Variants in DNER observed in about 807,000 individuals in gnomAD.
DNER encodes delta/notch like EGF repeat containing, also known as delta and Notch-like epidermal growth factor-related receptor.
Under a neutral mutation model 78.2 loss-of-function variants are expected in DNER, and 33 were observed. The ratio of observed to expected loss-of-function variants is 0.42; its 90% CI spans 0.32 to 0.56. The LOEUF (loss-of-function observed/expected upper bound fraction) is 0.56. Among genes scored for constraint, DNER ranks in the 20% least tolerant of loss-of-function variants. The pLI is 0.11. For missense variants in DNER, 918 were observed against 975.3 expected, an observed-to-expected ratio of 0.94 and a Z score of 0.78; for synonymous variants, 417 against 384.8, an observed-to-expected ratio of 1.08 and a Z score of -0.98.
chr2:229,668,320 T>C (rs796124566), intron 1 of DNER, among the ~76,000 whole-genome samples: 4 of 151,552 alleles, frequency 2.6e-5, no homozygotes, highest in African/African-American at 9.7e-5. Context: ...AAGGAACGAT[T>C]ATTGTCAGAG....
At chr2:229,684,712 G>A (rs1349542144) in intron 1 of DNER, among the ~76,000 whole-genome samples, 5 of 152,124 alleles carry the variant, frequency 3.3e-5, no homozygotes, top group Non-Finnish European at 7.3e-5. Flanking sequence ...CAGTGAGGGG[G>A]CAGTTTTCTT....
intron 7 of DNER, among the ~76,000 whole-genome samples, chr2:229,474,891 C>T (rs966903797): frequency 6.6e-6 from 1 of 152,160 alleles, no homozygotes; most frequent in South Asian, 2.1e-4. Context: ...CCATTCCTAG[C>T]AGCCAACATC....
intron 6 of DNER, among the ~76,000 whole-genome samples, chr2:229,500,860 TC>T (rs952505390): frequency 4.6e-5 from 7 of 152,234 alleles, no homozygotes; most frequent in African/African-American, 1.7e-4. Flanking sequence ...TCCCGCCCTT[TC>T]CACCGAGTCC....
intron 6 of DNER, among the ~76,000 whole-genome samples, chr2:229,507,921 C>T (rs1441290019): frequency 6.6e-6 from 1 of 152,070 alleles, no homozygotes; most frequent in Non-Finnish European, 1.5e-5. Flanking sequence ...CTCAAAAGAG[C>T]CCTTGAAGTC....
intron 4 of DNER, among the ~76,000 whole-genome samples, chr2:229,559,388 T>G (rs551096710): frequency 6.6e-6 from 1 of 152,082 alleles, no homozygotes; most frequent in Admixed American, 6.6e-5. Flanking sequence ...GACATAGATA[T>G]CAGACCATCA....
intron 11 of DNER, among the ~76,000 whole-genome samples, chr2:229,370,968 TC>T (rs1692468517): frequency 6.6e-6 from 1 of 152,234 alleles, no homozygotes; most frequent in Admixed American, 6.5e-5. Context: ...CAGTGCAGTG[TC>T]CCAGGTCTGA....
chr2:229,637,036 C>A (rs563753735), intron 1 of DNER, among the ~76,000 whole-genome samples: 33 of 152,280 alleles, frequency 2.2e-4, no homozygotes, highest in African/African-American at 7.0e-4. Context: ...TACCACTATT[C>A]AAGTGAGAAA....
intron 8 of DNER, among the ~76,000 whole-genome samples, chr2:229,427,738 C>T (rs958550360): frequency 6.6e-6 from 1 of 152,096 alleles, no homozygotes; most frequent in African/African-American, 2.4e-5. Flanking sequence ...TGATTTGTTC[C>T]AGACATGGAT....
intron 1 of DNER, among the ~76,000 whole-genome samples, chr2:229,648,936 G>C (rs977032856): frequency 6.6e-6 from 1 of 152,152 alleles, no homozygotes; most frequent in Non-Finnish European, 1.5e-5. Context: ...AAATGTGCTT[G>C]CAATTACAGT....
chr2:229,466,090 TC>T (rs1209388810), intron 7 of DNER, among the ~76,000 whole-genome samples: 2 of 152,000 alleles, frequency 1.3e-5, no homozygotes, highest in African/African-American at 4.8e-5. Flanking sequence ...GATCCATTCT[TC>T]CCCCCTAAAC....
intron 6 of DNER, among the ~76,000 whole-genome samples, chr2:229,506,614 T>C (rs914140577): frequency 2.0e-5 from 3 of 151,798 alleles, no homozygotes; most frequent in Admixed American, 6.6e-5. Context: ...TGGTGTGCTG[T>C]ACCCAGTAAC....
rs1352021824 is a variant in DNER at position 229,435,899 on chromosome 2, CTGTT to C, written c.1486+11413_1486+11416del. ...GCAATATGTTTATTCACAATATAAA[CTGTT>C]TGGTAAAAGATAAACATGTGCCTAA... is the stretch of plus-strand genomic sequence containing the variant. On this transcript the variant is annotated intron_variant, in intron 8 of 12. Transcript: ENST00000341772. 2.0e-5 allele frequency among the ~76,000 whole-genome samples: 3 copies of C among 152,220 alleles called. No homozygotes were observed. In the East Asian group the frequency reaches 5.8e-4, roughly 29 times the overall value.
At chr2:229,359,631 C>T (rs1415958998) in intron 12 of DNER, among the ~76,000 whole-genome samples, 1 of 152,022 alleles carries the variant, frequency 6.6e-6, no homozygotes, top group Non-Finnish European at 1.5e-5. Context: ...GGATGGGGTC[C>T]CTAGGAATTA....
chr2:229,691,318 A>G (rs1699567238), intron 1 of DNER, among the ~76,000 whole-genome samples: 1 of 152,114 alleles, frequency 6.6e-6, no homozygotes, highest in Admixed American at 6.5e-5. Flanking sequence ...GTTCATTTAT[A>G]TTTACTTGCC....
At chr2:229,714,004 C>A in intron 1 of DNER, 144 bp downstream of exon 1, 1 of 897,100 alleles carries the variant, frequency 1.1e-6, no homozygotes, top group Non-Finnish European at 1.5e-6. Flanking sequence ...TCCACGCGGG[C>A]CAAGAGACTG....
chr2:229,531,298 A>G (rs532046151), intron 5 of DNER, among the ~76,000 whole-genome samples: 1 of 152,272 alleles, frequency 6.6e-6, no homozygotes, highest in African/African-American at 2.4e-5. Flanking sequence ...TTGCCCTGTA[A>G]CCCAGATCTG....
At chr2:229,359,386 C>T (rs1355425166) in intron 12 of DNER, among the ~76,000 whole-genome samples, 1 of 152,158 alleles carries the variant, frequency 6.6e-6, no homozygotes, top group African/African-American at 2.4e-5. Flanking sequence ...CCTGTCAAAC[C>T]TGTCGTAAGG....
In DNER at chr2:229,366,756, A is replaced by G. The variant is rs60699589; in HGVS notation, c.2102+117T>C. 132 of 1,482,630 alleles carry G rather than the reference A, an allele frequency of 8.9e-5. No homozygotes were observed. In the African/African-American group the frequency reaches 1.6e-3, roughly 18 times the overall value. 91.8% of individuals were successfully genotyped at this position (1,482,630 alleles called of 1,614,324 possible). On this transcript the variant is annotated intron_variant, in intron 12 of 12. Coordinates refer to ENST00000341772, the MANE Select transcript of DNER (RefSeq NM_139072.4). ...TATCCCCAAATACAATGTGGAACCT[A>G]TTTTCCATTCTTTAAAATCTCCTCT...
At chr2:229,615,304 G>A (rs766652977) in intron 1 of DNER, among the ~76,000 whole-genome samples, 41 of 151,864 alleles carry the variant, frequency 2.7e-4, no homozygotes, top group African/African-American at 8.0e-4. Context: ...CCAGCTACTC[G>A]GGAAGCTGAG....
Sources: allele counts gnomAD v4.1 joint callset (sites outside exome capture counted in the v4.1 genomes callset), GRCh38; gene constraint gnomAD v4.1.1; transcripts MANE v1.5; gene names NCBI Gene and HGNC (gene_info 2026-07-23, HGNC 2026-07-21).